EDRF1: variants seen among roughly 807,000 people sequenced by gnomAD.
The protein encoded by EDRF1 is erythroid differentiation regulatory factor 1.
EDRF1 carries 69 observed loss-of-function variants against 148.7 expected under a neutral mutation model. The ratio of observed to expected loss-of-function variants is 0.46; its 90% CI spans 0.38 to 0.57. The LOEUF is 0.57. Ranked by LOEUF, EDRF1 falls within the 20% of genes least tolerant of loss-of-function variation. EDRF1 has a pLI of 0.00. For missense variants in EDRF1, 1,118 were observed against 1,478.7 expected (o/e 0.76, Z 4.00); for synonymous variants, 515 against 532.8 (o/e 0.97, Z 0.46).
chr10:125,750,234 A>C (rs1342512021), intron 22 of EDRF1, among the ~76,000 whole-genome samples: 2 of 152,152 alleles, frequency 1.3e-5, no homozygotes, highest in Non-Finnish European at 2.9e-5. Flanking sequence ...ACCTTATTGA[A>C]CCCCTTAAAC....
At chr10:125,728,932 A>T in intron 6 of EDRF1, 71 bp from the exon 7 acceptor site, 1 of 1,166,840 alleles carries the variant, frequency 8.6e-7, no homozygotes, top group Non-Finnish European at 1.2e-6. Flanking sequence ...TTTAGGTGAT[A>T]CTCTCAAAAG....
chr10:125,722,562 AT>A (rs544743481), intron 2 of EDRF1, among the ~76,000 whole-genome samples: 2 of 151,140 alleles, frequency 1.3e-5, no homozygotes, highest in South Asian at 4.2e-4. Context: ...CTCAATTAAC[AT>A]TTTTTTTTAA....
At chr10:125,761,241 TTCA>T (rs1434319341) in intron 24 of EDRF1, 1 of 407,716 alleles carries the variant, frequency 2.5e-6, no homozygotes, top group African/African-American at 2.1e-5. Flanking sequence ...ATGCAGGCAT[TTCA>T]TCATCATATG....
At chr10:125,748,177 T>A in intron 21 of EDRF1, 165 bp downstream of exon 21, 4 of 779,462 alleles carry the variant, frequency 5.1e-6, no homozygotes. Flanking sequence ...GCTGTGCCAC[T>A]TAAACAATAT....
chr10:125,743,337 G>A, intron 18 of EDRF1, 61 bp downstream of exon 18: 1 of 1,427,260 alleles, frequency 7.0e-7, no homozygotes, highest in South Asian at 1.2e-5. Flanking sequence ...TGCTAATTTT[G>A]TATGAGTCAA....
intron 1 of EDRF1, 75 bp downstream of exon 1, chr10:125,719,990 G>A: frequency 1.4e-6 from 2 of 1,382,306 alleles, no homozygotes; most frequent in Non-Finnish European, 2.0e-6. Context: ...GGGATGCCAC[G>A]GTTCCCGGCA....
intron 8 of EDRF1, 156 bp from the exon 9 acceptor site, chr10:125,730,132 G>A: frequency 1.6e-6 from 1 of 619,162 alleles, no homozygotes; most frequent in Non-Finnish European, 2.9e-6. Flanking sequence ...CAACCACTGA[G>A]CTGCATGTGC....
intron 9 of EDRF1, chr10:125,732,012 T>C (rs753077631): frequency 3.0e-5 from 10 of 338,640 alleles, no homozygotes; most frequent in Non-Finnish European, 5.8e-5. Flanking sequence ...TGAACCGTTA[T>C]ATTCCAACCC....
At chr10:125,753,871 A>T (rs528971715) in intron 24 of EDRF1, 26 bp downstream of exon 24, 1 of 1,610,522 alleles carries the variant, frequency 6.2e-7, no homozygotes, top group East Asian at 2.2e-5. Flanking sequence ...ATTTGTAGGA[A>T]TTTCTTTCCT....
chr10:125,746,011 T>C, intron 19 of EDRF1, 81 bp downstream of exon 19: 1 of 1,313,456 alleles, frequency 7.6e-7, no homozygotes, highest in Non-Finnish European at 1.1e-6. Flanking sequence ...ACTAAAATAC[T>C]ATAAAACTAA....
At chr10:125,739,487 C>G (rs1422193661) in intron 15 of EDRF1, among the ~76,000 whole-genome samples, 1 of 152,176 alleles carries the variant, frequency 6.6e-6, no homozygotes, top group East Asian at 1.9e-4. Flanking sequence ...GTCAGAGTTC[C>G]AGCATTAAAT....
intron 24 of EDRF1, among the ~76,000 whole-genome samples, chr10:125,754,498 C>G (rs1849798461): frequency 6.6e-6 from 1 of 152,166 alleles, no homozygotes; most frequent in Admixed American, 6.5e-5. Flanking sequence ...AATGGAGGGT[C>G]TCGACTGGAG....
chr10:125,740,848 G>A (rs1202564165), intron 16 of EDRF1, among the ~76,000 whole-genome samples, 153 bp from the exon 17 acceptor site: 1 of 152,140 alleles, frequency 6.6e-6, no homozygotes, highest in Admixed American at 6.5e-5. Context: ...TGAACTACAT[G>A]AAGCCGTAAT....
intron 17 of EDRF1, 94 bp downstream of exon 17, chr10:125,741,295 G>A: frequency 8.9e-7 from 1 of 1,128,140 alleles, no homozygotes; most frequent in Non-Finnish European, 1.3e-6. Flanking sequence ...AGAAATATTA[G>A]AGTTTTGATA....
In EDRF1 at chr10:125,763,343, C is replaced by T; in HGVS notation, c.3588C>T (p.His1196=). Residue 1196 remains histidine, a synonymous_variant, in exon 25 of 25, where the codon CAC becomes CAT. Transcript: ENST00000356792. This position sits in a 1 kb window ranked among gnomAD's most constrained non-coding sequence, Gnocchi z 4.3. The stretch of plus-strand genomic sequence containing the variant: ...ACACAATTCTCAAAACCAACAAGCA[C>T]ATTTACTCCCAGCTTTTGAGAGCAA... The part of the protein sequence containing the change: ...EDDTILKTNK[H]IYSQLLRATA... The T allele has an allele frequency of 1.2e-6, 2 of 1,613,600 alleles. No individual in the cohort carries two copies. The highest frequency in any genetic ancestry group is 1.7e-6 in the Non-Finnish European group (2 of 1,179,976).
At chr10:125,754,862 G>A (rs927636812) in intron 24 of EDRF1, among the ~76,000 whole-genome samples, 4 of 152,152 alleles carry the variant, frequency 2.6e-5, no homozygotes, top group Non-Finnish European at 5.9e-5. Flanking sequence ...TTTTACCGAT[G>A]TATAATCTTA....
intron 4 of EDRF1, 44 bp from the exon 5 acceptor site, chr10:125,725,274 G>A (rs764159511): frequency 1.6e-5 from 26 of 1,611,652 alleles, no homozygotes; most frequent in Non-Finnish European, 2.0e-5. Context: ...ACATTGTTTC[G>A]ACTATGTGTG....
chr10:125,738,366 C>A lies in EDRF1; in HGVS notation c.1902C>A (p.Ile634=), dbSNP rs1848840916. Residue 634 remains isoleucine, a synonymous_variant, in exon 15 of 25, where the codon ATC becomes ATA. Transcript: ENST00000356792. ...DLPAADPSTP[I]PLKYEDESSR... is the part of the protein sequence containing the mutation. ...CAGCAGCTGACCCCAGCACTCCAAT[C>A]CCGTTAAAATATGAAGATGAATCCT... 1.2e-6 allele frequency: 2 copies of A among 1,613,950 alleles called. No individual in the cohort carries two copies. Among genetic ancestry groups the A allele is most frequent in the Admixed American group, 3.3e-5 (2 of 59,982 alleles).
At chr10:125,725,152 A>AG (rs1282656929) in intron 4 of EDRF1, among the ~76,000 whole-genome samples, 166 bp from the exon 5 acceptor site, 1 of 152,228 alleles carries the variant, frequency 6.6e-6, no homozygotes, top group Non-Finnish European at 1.5e-5. Context: ...GAAACAAAAA[A>AG]CAAAAGAAAG....
Sources: allele counts gnomAD v4.1 joint callset (sites outside exome capture counted in the v4.1 genomes callset), GRCh38; gene constraint gnomAD v4.1.1; non-coding constraint Gnocchi (gnomAD v3.1); transcripts MANE v1.5; gene names NCBI Gene and HGNC (gene_info 2026-07-23, HGNC 2026-07-21).